The following SOBP variants were observed in gnomAD, a reference collection of about 807,000 sequenced individuals.
SOBP encodes sine oculis binding protein homolog.
A neutral mutation model predicts 53.6 loss-of-function variants in SOBP; 4 were observed. That is an observed-to-expected ratio of 0.07 (90% CI 0.04 to 0.17). SOBP has a LOEUF of 0.17. Ranked by LOEUF, SOBP falls within the 10% of genes least tolerant of loss-of-function variation. The pLI, the probability that SOBP is intolerant of heterozygous loss-of-function variation, is 1.00. For synonymous variants in SOBP, 584 were observed against 522.6 expected (o/e 1.12, Z -1.60); for missense variants, 1,088 against 1,204.7 (o/e 0.90, Z 1.43).
chr6:107,641,977 C>T (rs146095986), intron 6 of SOBP, among the ~76,000 whole-genome samples: 4 of 152,238 alleles, frequency 2.6e-5, no homozygotes, highest in Non-Finnish European at 4.4e-5. Context: ...CTTCCGTTGC[C>T]GTTTTAAGTG....
At chr6:107,652,593 C>G (rs1325626067) in intron 6 of SOBP, among the ~76,000 whole-genome samples, 3 of 152,176 alleles carry the variant, frequency 2.0e-5, no homozygotes, top group Non-Finnish European at 4.4e-5. Context: ...AAAACAGCAG[C>G]AGGGATTGAC....
chr6:107,635,628 C>T lies in SOBP; in HGVS notation c.*3+159C>T, dbSNP rs1177717861. Among the ~76,000 whole-genome samples the T allele has an allele frequency of 6.6e-6, 1 of 152,204 alleles. No homozygotes were observed. Among genetic ancestry groups the T allele is most frequent in the African/African-American group, 2.4e-5 (1 of 41,450 alleles). ...CGCTATCAACATTCTGAGCCAGCAG[C>T]TCTGATGCTGAGTTGTTCAGTAGCA... On this transcript the variant is annotated intron_variant, in intron 6 of 6. Coordinates refer to ENST00000317357, the MANE Select transcript of SOBP (RefSeq NM_018013.4). This position sits in a 1 kb window ranked among gnomAD's most constrained non-coding sequence, Gnocchi z 4.5.
At chr6:107,606,643 G>A (rs1786393983) in intron 5 of SOBP, among the ~76,000 whole-genome samples, 1 of 152,174 alleles carries the variant, frequency 6.6e-6, no homozygotes, top group Non-Finnish European at 1.5e-5. Context: ...GGGCTCTATT[G>A]TTTAATCCCC....
chr6:107,535,022 A>G (rs1172049763), intron 4 of SOBP, among the ~76,000 whole-genome samples: 1 of 152,166 alleles, frequency 6.6e-6, no homozygotes. Context: ...ACAACAAAAT[A>G]CTTTGCATTC....
At chr6:107,528,346 T>G (rs1401810179) in intron 3 of SOBP, among the ~76,000 whole-genome samples, 1 of 152,166 alleles carries the variant, frequency 6.6e-6, no homozygotes, top group African/African-American at 2.4e-5. Context: ...GGTCTCCCAT[T>G]TCAACCACAT....
intron 6 of SOBP, among the ~76,000 whole-genome samples, chr6:107,655,304 C>A (rs150202712): frequency 1.2e-4 from 19 of 152,246 alleles, no homozygotes; most frequent in African/African-American, 4.1e-4. Flanking sequence ...CTTGGTTCTT[C>A]ATTTTCATCG....
At chr6:107,503,042 G>A (rs1782884929) in intron 1 of SOBP, among the ~76,000 whole-genome samples, 1 of 152,138 alleles carries the variant, frequency 6.6e-6, no homozygotes, top group Non-Finnish European at 1.5e-5. Context: ...TTACAGGCGT[G>A]AGCCACCGTG....
At chr6:107,613,027 T>G (rs1485787338) in intron 5 of SOBP, among the ~76,000 whole-genome samples, 1 of 152,256 alleles carries the variant, frequency 6.6e-6, no homozygotes, top group Non-Finnish European at 1.5e-5. Context: ...CCTTTGGCTA[T>G]TGGGAATAAT....
At chr6:107,621,251 C>T (rs1770144124) in intron 5 of SOBP, 1 of 278,300 alleles carries the variant, frequency 3.6e-6, no homozygotes, top group South Asian at 1.4e-4. Flanking sequence ...AGGCATTTGG[C>T]CTGGATGAGG....
At position 107,565,816 on chromosome 6, in the gene SOBP, A is replaced by G. The variant is rs1271818380; in HGVS notation, c.574-21264A>G. On this transcript the variant is annotated intron_variant, in intron 4 of 6. Coordinates refer to ENST00000317357, the MANE Select transcript of SOBP (RefSeq NM_018013.4). ...CCTTCCAAATCTAACCAGGAACACT[A>G]TGGGAAATACAAAAGGAAATTGGAA... Among the ~76,000 whole-genome samples the G allele has an allele frequency of 3.3e-5, 5 of 152,244 alleles. No individual in the cohort carries two copies. In the East Asian group the frequency reaches 5.8e-4, roughly 18 times the overall value.
intron 4 of SOBP, among the ~76,000 whole-genome samples, chr6:107,560,744 C>T (rs529321884): frequency 1.1e-4 from 16 of 152,216 alleles, no homozygotes; most frequent in East Asian, 9.7e-4. Flanking sequence ...CAGGAGTGAC[C>T]GGGCTGGGAA....
In SOBP at chr6:107,634,518, C is replaced by G; in HGVS notation, c.1674C>G (p.Asn558Lys). 6.2e-7 allele frequency: 1 copy of G among 1,611,296 alleles called. No individual in the cohort carries two copies. The highest frequency in any genetic ancestry group is 8.5e-7 in the Non-Finnish European group (1 of 1,179,890). The part of the protein sequence containing the change: ...DSKPPNGFSS[N>K]GENFIPNAPG... ...AGCCCCCCAACGGGTTCTCCAGCAA[C>G]GGGGAGAACTTCATTCCGAACGCCC... is the stretch of plus-strand genomic sequence containing the variant. The change falls in exon 6 of 7, where the codon AAC becomes AAG. Residue 558 changes from asparagine to lysine, a missense_variant. By Grantham distance (94) the Asn-to-Lys change is moderately conservative. Coordinates refer to ENST00000317357, the MANE Select transcript of SOBP (RefSeq NM_018013.4). The surrounding 1 kb of genome is among the most constrained non-coding windows in gnomAD (Gnocchi z 4.5).
At chr6:107,516,845 C>T (rs1348055693) in intron 3 of SOBP, among the ~76,000 whole-genome samples, 1 of 152,078 alleles carries the variant, frequency 6.6e-6, no homozygotes, top group Non-Finnish European at 1.5e-5. Flanking sequence ...GAATCATAAA[C>T]ATTGCTGAGA....
At chr6:107,494,488 C>A (rs930286818) in intron 1 of SOBP, among the ~76,000 whole-genome samples, 1 of 152,154 alleles carries the variant, frequency 6.6e-6, no homozygotes, top group South Asian at 2.1e-4. Context: ...TCAGTAGCTA[C>A]CAAACAACAA....
At chr6:107,533,274 A>G (rs1000337774) in intron 3 of SOBP, among the ~76,000 whole-genome samples, 185 bp from the exon 4 acceptor site, 34 of 133,874 alleles carry the variant, frequency 2.5e-4, no homozygotes, top group African/African-American at 9.1e-4. Context: ...TAGGAGCCAA[A>G]AAAAAAAAAA....
intron 6 of SOBP, among the ~76,000 whole-genome samples, chr6:107,640,571 T>A (rs1338089345): frequency 6.6e-6 from 1 of 152,134 alleles, no homozygotes; most frequent in Non-Finnish European, 1.5e-5. Flanking sequence ...TTCAGACTTG[T>A]AGAGGAAAGT....
At chr6:107,524,560 TCTC>T in intron 3 of SOBP, among the ~76,000 whole-genome samples, 1 of 152,214 alleles carries the variant, frequency 6.6e-6, no homozygotes, top group Non-Finnish European at 1.5e-5. Context: ...AGGATTGCCT[TCTC>T]TGTATTTGAT....
At chr6:107,617,977 G>A (rs1317874687) in intron 5 of SOBP, among the ~76,000 whole-genome samples, 1 of 151,860 alleles carries the variant, frequency 6.6e-6, no homozygotes, top group African/African-American at 2.4e-5. Flanking sequence ...ACAGGCACCC[G>A]CCACCAAGCC....
chr6:107,594,163 G>A (rs1785857401), intron 5 of SOBP, among the ~76,000 whole-genome samples: 1 of 152,172 alleles, frequency 6.6e-6, no homozygotes, highest in Non-Finnish European at 1.5e-5. Flanking sequence ...ATCTCTGTGT[G>A]TCTGCGTCCT....
Sources: allele counts gnomAD v4.1 joint callset (sites outside exome capture counted in the v4.1 genomes callset), GRCh38; gene constraint gnomAD v4.1.1; non-coding constraint Gnocchi (gnomAD v3.1); transcripts MANE v1.5; gene names NCBI Gene and HGNC (gene_info 2026-07-23, HGNC 2026-07-21).